MYLK: variants seen among roughly 807,000 people sequenced by gnomAD.
MYLK encodes myosin light chain kinase.
Under a neutral mutation model 203.4 loss-of-function variants are expected in MYLK, and 106 were observed. The ratio of observed to expected loss-of-function variants is 0.52; its 90% CI spans 0.45 to 0.61. The LOEUF is 0.61. Among genes scored for constraint, MYLK ranks in the 20% least tolerant of loss-of-function variants. MYLK has a pLI of 0.00. For synonymous variants in MYLK, 867 were observed against 959.5 expected, an observed-to-expected ratio of 0.90 and a Z score of 1.78; for missense variants, 2,072 against 2,442.3, an observed-to-expected ratio of 0.85 and a Z score of 3.20.
chr3:123,800,145 A>G (rs1056668574), intron 3 of MYLK: 4 of 152,146 alleles, frequency 2.6e-5, no homozygotes, highest in Non-Finnish European at 5.9e-5. Flanking sequence ...GAGGCTCTCA[A>G]TGGAGTCCTG....
In MYLK at chr3:123,854,486, T is replaced by C. The variant is rs184805221; in HGVS notation, c.-127+22073A>G. Among the ~76,000 whole-genome samples the C allele has an allele frequency of 3.4e-3, 513 of 152,226 alleles. 4 individuals are homozygous for C. The highest frequency in any genetic ancestry group is 0.012 in the African/African-American group (500 of 41,536). ...CATAGCTAACAAATAAATATAAATA[T>C]ATTTTATCAATTTCTATGTTTACCA... On this transcript the variant is annotated intron_variant, in intron 2 of 33. Coordinates refer to ENST00000360304, the MANE Select transcript of MYLK (RefSeq NM_053025.4).
chr3:123,846,820 C>T (rs1466081954), intron 2 of MYLK, among the ~76,000 whole-genome samples: 2 of 151,314 alleles, frequency 1.3e-5, no homozygotes, highest in Non-Finnish European at 2.9e-5. Context: ...TAATTTTCTT[C>T]ATAAATATTC....
intron 3 of MYLK, among the ~76,000 whole-genome samples, chr3:123,807,751 G>A (rs2065420864): frequency 6.6e-6 from 1 of 152,216 alleles, no homozygotes; most frequent in Non-Finnish European, 1.5e-5. Flanking sequence ...TGTAGTTAGA[G>A]ATTGTTCCCA....
rs75388792 is a variant in MYLK, at chr3:123,860,818, G to A, written c.-127+15741C>T. Among the ~76,000 whole-genome samples the A allele has an allele frequency of 3.0e-3, 461 of 152,214 alleles. 2 individuals carry two copies. The highest frequency in any genetic ancestry group is 0.01 in the African/African-American group (424 of 41,528). On this transcript the variant is annotated intron_variant, in intron 2 of 33. Transcript: ENST00000360304. Reference sequence around the variant, plus strand: ...AGTGTCAGAGTAAAATGCATAGGGGGCCATATTTAGGTAAAAACTGGTTAG... The same window carrying A: ...AGTGTCAGAGTAAAATGCATAGGGGACCATATTTAGGTAAAAACTGGTTAG...
chr3:123,878,856 T>C (rs1289419926), intron 1 of MYLK, among the ~76,000 whole-genome samples: 2 of 152,116 alleles, frequency 1.3e-5, no homozygotes, highest in African/African-American at 4.8e-5. Context: ...CTGGATAATT[T>C]TGGGATTTTT....
chr3:123,798,269 TGCTG>T (rs1404544823), intron 3 of MYLK, among the ~76,000 whole-genome samples: 3 of 152,080 alleles, frequency 2.0e-5, no homozygotes, highest in Non-Finnish European at 1.5e-5. Context: ...AGTCAAAATC[TGCTG>T]GCTTCTCGGA....
chr3:123,854,376 C>A (rs1222865096), intron 2 of MYLK, among the ~76,000 whole-genome samples: 2 of 151,878 alleles, frequency 1.3e-5, no homozygotes, highest in East Asian at 1.9e-4. Context: ...CATTTTCCCC[C>A]AAAAAATCTG....
chr3:123,800,663 G>A (rs762579400), intron 3 of MYLK, among the ~76,000 whole-genome samples: 1 of 152,204 alleles, frequency 6.6e-6, no homozygotes, highest in Non-Finnish European at 1.5e-5. Context: ...GCAAGAGAAG[G>A]TATTTTCATA....
At chr3:123,628,340 G>A (rs1169343642) in intron 30 of MYLK, among the ~76,000 whole-genome samples, 1 of 152,144 alleles carries the variant, frequency 6.6e-6, no homozygotes, top group Non-Finnish European at 1.5e-5. Context: ...TCTTCCTCAG[G>A]GGAGCCATCG....
intron 4 of MYLK, among the ~76,000 whole-genome samples, chr3:123,782,742 A>G (rs939901506): frequency 9.2e-5 from 14 of 152,232 alleles, no homozygotes; most frequent in African/African-American, 3.4e-4. Context: ...GAAACACGTT[A>G]AAACAATAGG....
At chr3:123,657,549 C>T (rs2059426948) in intron 23 of MYLK, 121 bp from the exon 24 acceptor site, 1 of 940,420 alleles carries the variant, frequency 1.1e-6, no homozygotes, top group East Asian at 2.6e-5. Context: ...AGTCCCTGGT[C>T]CTGCGTCTCT....
chr3:123,650,474 GGTGTGA>G (rs1055348906), intron 24 of MYLK, among the ~76,000 whole-genome samples: 129 of 152,044 alleles, frequency 8.5e-4, no homozygotes, highest in South Asian at 3.1e-3. Context: ...CGGGTGTACC[GGTGTGA>G]GTGTGAGTGT....
intron 19 of MYLK, among the ~76,000 whole-genome samples, chr3:123,684,817 T>G (rs940713448): frequency 2.0e-5 from 3 of 152,230 alleles, no homozygotes; most frequent in African/African-American, 7.2e-5. Context: ...ATTACTGGCG[T>G]GAGCCACGGC....
At position 123,629,547 on chromosome 3, in the gene MYLK, C is replaced by T. The variant is rs150392984; in HGVS notation, c.5041G>A (p.Asp1681Asn). 9.3e-6 allele frequency: 15 copies of T among 1,614,076 alleles called. No individual in the cohort carries two copies. The highest frequency in any genetic ancestry group is 6.6e-5 in the South Asian group (6 of 91,086). Residue 1681 changes from aspartate (D) to asparagine (N), a missense_variant, in exon 30 of 34, where the codon GAC becomes AAC. Around this residue, in one of 3 missense-constraint regions of MYLK, gnomAD observed 524 missense variants for 782.4 expected, o/e 0.67. Transcript: ENST00000360304. This position sits in a 1 kb window ranked among gnomAD's most constrained non-coding sequence, Gnocchi z 4.4. ...ANVTSATWDF[D>N]DEAFDEISDD... Reference sequence around the variant, plus strand: ...GAGATCTCATCGAATGCCTCGTCGTCGAAGTCCCAGGTGGCTGAGGTAACG... The same window carrying T: ...GAGATCTCATCGAATGCCTCGTCGTTGAAGTCCCAGGTGGCTGAGGTAACG...
chr3:123,831,681 G>A lies in MYLK; in HGVS notation c.-126-11C>T, dbSNP rs560684210. The A allele has an allele frequency of 1.2e-5, 3 of 243,686 alleles. No individual in the cohort carries two copies. In the South Asian group the frequency reaches 1.4e-4, roughly 12 times the overall value. 15.1% of individuals were successfully genotyped at this position (243,686 alleles called of 1,614,324 possible). On this transcript the variant is annotated splice_polypyrimidine_tract_variant and intron_variant, in intron 2 of 33. Coordinates refer to ENST00000360304, the MANE Select transcript of MYLK (RefSeq NM_053025.4). ...GCAGCCGGGAGCCACCTGGGTGGGT[G>A]GGAAGGAGGAAAGGAAAGCCAAATC...
At chr3:123,763,484 T>A (rs1014917245) in intron 4 of MYLK, among the ~76,000 whole-genome samples, 2 of 152,234 alleles carry the variant, frequency 1.3e-5, no homozygotes, top group Non-Finnish European at 2.9e-5. Flanking sequence ...AATTTTTAGA[T>A]CTGGCATTTC....
intron 19 of MYLK, among the ~76,000 whole-genome samples, chr3:123,689,210 T>G (rs143318645): frequency 1.8e-4 from 27 of 152,016 alleles, no homozygotes; most frequent in East Asian, 1.4e-3. Flanking sequence ...GAGGCCTGAG[T>G]TGAGAATGAC....
chr3:123,768,089 G>A (rs1210520279), intron 4 of MYLK, among the ~76,000 whole-genome samples: 3 of 152,200 alleles, frequency 2.0e-5, no homozygotes, highest in South Asian at 4.1e-4. Context: ...CAGGAGGGCT[G>A]TTGCCCTAGA....
At chr3:123,697,102 G>C (rs1179601737) in intron 18 of MYLK, among the ~76,000 whole-genome samples, 1 of 152,216 alleles carries the variant, frequency 6.6e-6, no homozygotes, top group Non-Finnish European at 1.5e-5. Context: ...TTATCACTGT[G>C]AGTGTGTCTT....
Sources: gnomAD v4.1 joint callset for allele counts (sites outside exome capture counted in the v4.1 genomes callset) on GRCh38, gnomAD v4.1.1 for gene constraint, gnomAD v4.1.1 regional missense constraint, Gnocchi (gnomAD v3.1) non-coding constraint, MANE v1.5 for transcripts, NCBI Gene and HGNC (gene_info 2026-07-23, HGNC 2026-07-21) for gene names.